Variants in TCFL5 observed in about 807,000 individuals in gnomAD.
The protein encoded by TCFL5 is transcription factor like 5, also known as transcription factor-like 5 protein.
TCFL5 carries 9 observed loss-of-function variants against 44.3 expected under a neutral mutation model. The observed-to-expected ratio is 0.20, with a 90% confidence interval of 0.12 to 0.35. The LOEUF (loss-of-function observed/expected upper bound fraction) is 0.35. TCFL5 is among the 10% of genes least tolerant of loss of function. TCFL5 has a pLI of 1.00. For synonymous variants in TCFL5, 319 were observed against 271.6 expected (o/e 1.17, Z -1.72); for missense variants, 603 against 613.4 (o/e 0.98, Z 0.18).
chr20:62,852,730 A>T, intron 5 of TCFL5: 4 of 1,274,552 alleles, frequency 3.1e-6, no homozygotes, highest in Non-Finnish European at 4.1e-6. Flanking sequence ...CACCTGGTTG[A>T]CAGAAGCATA....
At chr20:62,847,563 T>A (rs2063759384) in intron 5 of TCFL5, among the ~76,000 whole-genome samples, 1 of 152,148 alleles carries the variant, frequency 6.6e-6, no homozygotes, top group African/African-American at 2.4e-5. Flanking sequence ...ATAAACTCAT[T>A]AGGACAAAAA....
At position 62,841,421 on chromosome 20, in the gene TCFL5, T is replaced by C. The variant is rs2063679200; in HGVS notation, c.*554A>G. 6.5e-6 allele frequency: 1 copy of C among 153,392 alleles called. No homozygotes were observed. The highest frequency in any genetic ancestry group is 1.5e-5 in the Non-Finnish European group (1 of 68,948). The allele number at this position is 153,392 out of a possible 1,614,324, so 9.5% of individuals were successfully genotyped here. A position where few individuals can be genotyped will look rare whatever the true frequency, so the allele number is the denominator to read the frequency against. On this transcript the variant is annotated 3_prime_UTR_variant, in exon 6 of 6. Transcript: ENST00000335351. ...TGGACAAAAGTAGCTTTAAAGCAAG[T>C]ATCTGGAAAATTTTTAGCACACAGG...
chr20:62,852,907 C>G, intron 5 of TCFL5: 2 of 1,289,532 alleles, frequency 1.6e-6, no homozygotes, highest in Non-Finnish European at 2.0e-6. Context: ...GTACATTCAC[C>G]CAGTCAGCAG....
At chr20:62,854,383 C>T (rs894957146) in intron 4 of TCFL5, among the ~76,000 whole-genome samples, 3 of 152,212 alleles carry the variant, frequency 2.0e-5, no homozygotes, top group African/African-American at 7.2e-5. Context: ...GTGCCCTTGG[C>T]GGCCCCATGA....
rs2061445472 is a variant in TCFL5, at chr20:62,859,974, G to A, written c.831+151C>T. 2.3e-5 allele frequency: 17 copies of A among 740,652 alleles called. No homozygotes were observed. In the South Asian group the frequency reaches 3.2e-4, roughly 14 times the overall value. The allele number at this position is 740,652 out of a possible 1,614,324, so 45.9% of individuals were successfully genotyped here. On this transcript the variant is annotated intron_variant, in intron 2 of 5. Coordinates refer to ENST00000335351, the MANE Select transcript of TCFL5 (RefSeq NM_006602.4). ...CCCACCCACCTCGGCCTCCCAAAGT[G>A]CTGGGATTACAGGTGTCGGCCTTGG...
At position 62,860,278 on chromosome 20, in the gene TCFL5, T is replaced by C; in HGVS notation, c.678A>G (p.Glu226=). ...GTTGCTGAAGAGGAACATTCATTAGTTCAGATGGATGTCGAATGAGAGTTA... is the reference window on the plus strand; with the variant it reads ...GTTGCTGAAGAGGAACATTCATTAGCTCAGATGGATGTCGAATGAGAGTTA... ...NLVTLIRHPS[E]LMNVPLQQQN... The change falls in exon 2 of 6, where the codon GAA becomes GAG. Residue 226 remains glutamate (E), a synonymous_variant. Coordinates refer to ENST00000335351, the MANE Select transcript of TCFL5 (RefSeq NM_006602.4). 1.2e-6 allele frequency: 2 copies of C among 1,611,628 alleles called. No homozygotes were observed. The highest frequency in any genetic ancestry group is 1.7e-6 in the Non-Finnish European group (2 of 1,177,882).
At chr20:62,860,628 T>C (rs769261572) in intron 1 of TCFL5, among the ~76,000 whole-genome samples, 1 of 152,198 alleles carries the variant, frequency 6.6e-6, no homozygotes, top group East Asian at 1.9e-4. Flanking sequence ...TCCACAGCCA[T>C]CCCTGAGGGT....
intron 5 of TCFL5, chr20:62,845,124 T>C: frequency 5.6e-6 from 1 of 177,562 alleles, no homozygotes; most frequent in Non-Finnish European, 8.0e-6. Context: ...TTCTTCCCAA[T>C]TTTTTTTTTT....
intron 5 of TCFL5, chr20:62,852,903 T>TC (rs2063831515): frequency 7.8e-7 from 1 of 1,288,802 alleles, no homozygotes; most frequent in Non-Finnish European, 1.0e-6. Flanking sequence ...AGAAGTACAT[T>TC]CACCCAGTCA....
At chr20:62,853,611 A>G (rs1002643492) in intron 5 of TCFL5, among the ~76,000 whole-genome samples, 3 of 152,180 alleles carry the variant, frequency 2.0e-5, no homozygotes, top group South Asian at 2.1e-4. Flanking sequence ...TCAGCCTCCC[A>G]AAGTGCTGGG....
chr20:62,856,272 AAAAAG>A (rs1344772694), intron 4 of TCFL5, among the ~76,000 whole-genome samples: 2 of 148,656 alleles, frequency 1.3e-5, no homozygotes, highest in African/African-American at 2.5e-5. Context: ...AAAAAAAAAG[AAAAAG>A]AAAAGAAAAC....
intron 5 of TCFL5, among the ~76,000 whole-genome samples, chr20:62,844,529 C>T (rs2063714950): frequency 6.6e-6 from 1 of 151,960 alleles, no homozygotes; most frequent in African/African-American, 2.4e-5. Flanking sequence ...CAGGTGCACA[C>T]CATCACGCCT....
intron 5 of TCFL5, chr20:62,851,651 T>C: frequency 6.1e-6 from 6 of 985,366 alleles, no homozygotes; most frequent in Non-Finnish European, 7.2e-6. Context: ...ATAATGTAAA[T>C]AAACAACTTA....
At chr20:62,849,321 C>A (rs879491504) in intron 5 of TCFL5, among the ~76,000 whole-genome samples, 1 of 152,140 alleles carries the variant, frequency 6.6e-6, no homozygotes, top group Admixed American at 6.5e-5. Flanking sequence ...ACTGTTCTTG[C>A]AATTTTTCTG....
At chr20:62,856,770 C>G (rs546601576) in intron 4 of TCFL5, among the ~76,000 whole-genome samples, 1 of 148,830 alleles carries the variant, frequency 6.7e-6, no homozygotes, top group South Asian at 2.1e-4. Context: ...TGGTAAGCAG[C>G]AGTTACCAAA....
rs1199606751 is a variant in TCFL5, at chr20:62,861,233, G to A, written c.438C>T (p.Gly146=). The change falls in exon 1 of 6, where the codon GGC becomes GGT. Residue 146 remains glycine (G), a synonymous_variant. Transcript: ENST00000335351. This position sits in a 1 kb window ranked among gnomAD's most constrained non-coding sequence, Gnocchi z 4.0. ...CGGCCCGGGCCCTCGCTCCGTCCCC[G>A]CCGCCCGACGTCTTCTCCGCCGCGC... ...EAGAAEKTSG[G]GDGARARADG... 1.7e-6 allele frequency: 2 copies of A among 1,165,442 alleles called. No individual in the cohort carries two copies. Among genetic ancestry groups the A allele is most frequent in the Admixed American group, 3.4e-5 (1 of 29,644 alleles). 72.2% of individuals were successfully genotyped at this position (1,165,442 alleles called of 1,614,324 possible). A position where few individuals can be genotyped will look rare whatever the true frequency, so the allele number is the denominator to read the frequency against.
intron 1 of TCFL5, among the ~76,000 whole-genome samples, chr20:62,860,591 G>C (rs1462972078): frequency 6.6e-6 from 1 of 152,246 alleles, no homozygotes; most frequent in East Asian, 1.9e-4. Flanking sequence ...AGGCTGGGAT[G>C]AGCAGAAAAC....
At position 62,860,303 on chromosome 20, in the gene TCFL5, A is replaced by C. The variant is rs368936548; in HGVS notation, c.653T>G (p.Val218Gly). 3.6e-5 allele frequency: 58 copies of C among 1,604,876 alleles called. No homozygotes were observed. Among genetic ancestry groups the C allele is most frequent in the Non-Finnish European group, 4.8e-5 (56 of 1,172,214 alleles). Reference sequence around the variant, plus strand: ...TTCAGATGGATGTCGAATGAGAGTTACCAAACTGCCAAGACAAAAGAAAGC... The same window carrying C: ...TTCAGATGGATGTCGAATGAGAGTTCCCAAACTGCCAAGACAAAAGAAAGC... ...PEPGGALNNL[V>G]TLIRHPSELM... Residue 218 changes from valine to glycine, a missense_variant, in exon 2 of 6, where the codon GTA becomes GGA. Coordinates refer to ENST00000335351, the MANE Select transcript of TCFL5 (RefSeq NM_006602.4).
intron 2 of TCFL5, among the ~76,000 whole-genome samples, 199 bp from the exon 3 acceptor site, chr20:62,859,725 T>C (rs944253741): frequency 8.4e-6 from 1 of 118,672 alleles, no homozygotes; most frequent in African/African-American, 3.9e-5. Context: ...TTTTGTTTTT[T>C]TGTTTTTTTT....
Sources: allele counts gnomAD v4.1 joint callset (sites outside exome capture counted in the v4.1 genomes callset), GRCh38; gene constraint gnomAD v4.1.1; non-coding constraint Gnocchi (gnomAD v3.1); transcripts MANE v1.5; gene names NCBI Gene and HGNC (gene_info 2026-07-23, HGNC 2026-07-21).